The following SH3BP4 variants were observed in gnomAD, a reference collection of about 807,000 sequenced individuals.
SH3BP4 encodes SH3 domain-binding protein 4.
SH3BP4 carries 33 observed loss-of-function variants against 65.5 expected under a neutral mutation model. The ratio of observed to expected loss-of-function variants is 0.50; its 90% CI spans 0.38 to 0.67. SH3BP4 has a LOEUF of 0.67. Among genes scored for constraint, SH3BP4 ranks in the 30% least tolerant of loss-of-function variants. The pLI, the probability that SH3BP4 is intolerant of heterozygous loss-of-function variation, is 0.00. For synonymous variants in SH3BP4, 552 were observed against 545.5 expected (o/e 1.01, Z -0.17); for missense variants, 1,134 against 1,261.4 (o/e 0.90, Z 1.53).
chr2:235,049,277 G>A (rs1259449209), intron 4 of SH3BP4, among the ~76,000 whole-genome samples: 1 of 152,206 alleles, frequency 6.6e-6, no homozygotes, highest in Non-Finnish European at 1.5e-5. Flanking sequence ...CCTGTGCCCA[G>A]TTCCCCTGGG....
In SH3BP4 at chr2:235,052,929, G is replaced by A. The variant is rs927381002; in HGVS notation, c.2667+179G>A. Reference sequence around the variant, plus strand: ...CCTCACTGAGTGGGAGCCATCCTCCGGATTGGTTGTCGTGAGCCCTGGCTT... The same window carrying A: ...CCTCACTGAGTGGGAGCCATCCTCCAGATTGGTTGTCGTGAGCCCTGGCTT... On this transcript the variant is annotated intron_variant, in intron 5 of 5. Coordinates refer to ENST00000392011, the MANE Select transcript of SH3BP4 (RefSeq NM_014521.3). This position sits in a 1 kb window ranked among gnomAD's most constrained non-coding sequence, Gnocchi z 5.0. Among the ~76,000 whole-genome samples the A allele has an allele frequency of 7.7e-4, 118 of 152,372 alleles. 1 individual carries two copies. Among genetic ancestry groups the A allele is most frequent in the African/African-American group, 2.8e-3 (116 of 41,588 alleles).
chr2:235,003,721 G>C (rs1694204839), intron 2 of SH3BP4, among the ~76,000 whole-genome samples: 1 of 152,226 alleles, frequency 6.6e-6, no homozygotes, highest in Non-Finnish European at 1.5e-5. Flanking sequence ...TATGCAGGGA[G>C]ATGTGGCTCT....
chr2:235,032,993 C>T (rs1695254300), intron 2 of SH3BP4, among the ~76,000 whole-genome samples: 1 of 152,190 alleles, frequency 6.6e-6, no homozygotes, highest in Admixed American at 6.5e-5. Flanking sequence ...AATAACTGGC[C>T]TGGGTGAGTG....
At chr2:235,040,758 G>A in intron 3 of SH3BP4, 130 bp from the exon 4 acceptor site, 1 of 768,102 alleles carries the variant, frequency 1.3e-6, no homozygotes, top group South Asian at 1.8e-5. Flanking sequence ...ACTTTGGTTT[G>A]TTTCTGTTGG....
In SH3BP4 at chr2:235,041,870, C is replaced by T. The variant is rs142605350; in HGVS notation, c.1101C>T (p.Asn367=). Residue 367 remains asparagine, a synonymous_variant, in exon 4 of 6, where the codon AAC becomes AAT. Coordinates refer to ENST00000392011, the MANE Select transcript of SH3BP4 (RefSeq NM_014521.3). The surrounding 1 kb of genome is among the most constrained non-coding windows in gnomAD (Gnocchi z 6.0). ...TGCTGGACCCCCCGCTGGAGCTCAA[C>T]AGTGACAGGTCCTGCAGCATCAGCC... ...KALLDPPLEL[N]SDRSCSISPV... 22 of 1,611,156 alleles carry T rather than the reference C, an allele frequency of 1.4e-5. No individual in the cohort carries two copies. The highest frequency in any genetic ancestry group is 4.0e-5 in the African/African-American group (3 of 74,836).
In SH3BP4 at chr2:234,972,505, G is replaced by A. The variant is rs544074666; in HGVS notation, c.-207+20335G>A. On this transcript the variant is annotated intron_variant, in intron 1 of 5. Coordinates refer to ENST00000392011, the MANE Select transcript of SH3BP4 (RefSeq NM_014521.3). ...GGAGGGAAGCTGAGGCAGGAGGATC[G>A]CTTGAGCCCATCAGTCTGAGACCAG... Among the ~76,000 whole-genome samples, 16 of 151,930 alleles carry A rather than the reference G, an allele frequency of 1.1e-4. No individual in the cohort carries two copies. The East Asian group carries it at 2.5e-3, about 24-fold the overall frequency.
chr2:235,028,690 T>C (rs1695081407), intron 2 of SH3BP4, among the ~76,000 whole-genome samples: 1 of 152,036 alleles, frequency 6.6e-6, no homozygotes, highest in East Asian at 1.9e-4. Flanking sequence ...AGTCTGTGCA[T>C]GGTGTGTCTA....
In SH3BP4 at chr2:235,042,448, G is replaced by A. The variant is rs751725643; in HGVS notation, c.1679G>A (p.Arg560Gln). The A allele has an allele frequency of 1.9e-5, 31 of 1,613,998 alleles. No individual in the cohort carries two copies. In the East Asian group the frequency reaches 2.0e-4, roughly 10 times the overall value. Residue 560 changes from arginine (R) to glutamine (Q), a missense_variant, in exon 4 of 6, where the codon CGA becomes CAA. Coordinates refer to ENST00000392011, the MANE Select transcript of SH3BP4 (RefSeq NM_014521.3). This position sits in a 1 kb window ranked among gnomAD's most constrained non-coding sequence, Gnocchi z 7.3. ...GCCAGCGAGCAGGCCAAAGTGGTGC[G>A]AGGATTCCAGCTGAAGCTGGGCAAG... ...VKASEQAKVV[R>Q]GFQLKLGKVS...
Position 235,034,218 on chromosome 2 carries a change from A to G in SH3BP4, c.-132-653A>G, listed in dbSNP as rs766069874. On this transcript the variant is annotated intron_variant, in intron 2 of 5. Transcript: ENST00000392011. The surrounding 1 kb of genome is among the most constrained non-coding windows in gnomAD (Gnocchi z 6.2). ...TTCTTGTGGTCTCTTCCACGGAAAG[A>G]TCTTTCCTGCTTAGTAACAGTGGTT... Among the ~76,000 whole-genome samples the G allele has an allele frequency of 6.6e-6, 1 of 152,174 alleles. No individual in the cohort carries two copies. Among genetic ancestry groups the G allele is most frequent in the Non-Finnish European group, 1.5e-5 (1 of 68,026 alleles).
chr2:234,987,327 A>G (rs1346410899), intron 1 of SH3BP4, among the ~76,000 whole-genome samples: 1 of 103,518 alleles, frequency 9.7e-6, no homozygotes, highest in South Asian at 2.6e-4. Flanking sequence ...TATTTCAAAG[A>G]AAAAAAAAAA....
In SH3BP4 at chr2:234,952,305, G is replaced by A; in HGVS notation, c.-207+135G>A. 6.6e-6 allele frequency: 1 copy of A among 150,700 alleles called. No individual in the cohort carries two copies. Among genetic ancestry groups the A allele is most frequent in the South Asian group, 2.1e-4 (1 of 4,868 alleles). 9.3% of individuals were successfully genotyped at this position (150,700 alleles called of 1,614,324 possible). A position where few individuals can be genotyped will look rare whatever the true frequency, so the allele number is the denominator to read the frequency against. ...CGCGGGCGCCGATCGTGCCACCGCC[G>A]CCTGAGTTCGGGGCTGCGCGGGTGC... On this transcript the variant is annotated intron_variant, in intron 1 of 5. Coordinates refer to ENST00000392011, the MANE Select transcript of SH3BP4 (RefSeq NM_014521.3). The surrounding 1 kb of genome is among the most constrained non-coding windows in gnomAD (Gnocchi z 6.5).
intron 2 of SH3BP4, among the ~76,000 whole-genome samples, chr2:235,015,526 TG>T (rs1386088378): frequency 1.3e-5 from 2 of 152,224 alleles, no homozygotes; most frequent in Non-Finnish European, 2.9e-5. Flanking sequence ...TAGGCATGAC[TG>T]CAGGGCTCTG....
intron 1 of SH3BP4, among the ~76,000 whole-genome samples, chr2:234,973,115 C>G (rs1170151431): frequency 6.6e-6 from 1 of 152,182 alleles, no homozygotes; most frequent in Non-Finnish European, 1.5e-5. Flanking sequence ...CCCGACTTCC[C>G]TTAACTCCAT....
At position 235,007,005 on chromosome 2, in the gene SH3BP4, G is replaced by A. The variant is rs1357242165; in HGVS notation, c.-133+11629G>A. Among the ~76,000 whole-genome samples the A allele has an allele frequency of 9.9e-5, 15 of 152,270 alleles. No homozygotes were observed. In the East Asian group the frequency reaches 2.9e-3, roughly 29 times the overall value. ...GGATCTGCTTCAGAGACTTAAACGA[G>A]CTGACGGAACATTTAGCACAGGGCC... On this transcript the variant is annotated intron_variant, in intron 2 of 5. Coordinates refer to ENST00000392011, the MANE Select transcript of SH3BP4 (RefSeq NM_014521.3).
In SH3BP4 at chr2:235,030,571, A is replaced by G. The variant is rs1486344913; in HGVS notation, c.-132-4300A>G. 6.7e-6 allele frequency among the ~76,000 whole-genome samples: 1 copy of G among 148,368 alleles called. No homozygotes were observed. Among genetic ancestry groups the G allele is most frequent in the African/African-American group, 2.5e-5 (1 of 40,692 alleles). The stretch of plus-strand genomic sequence containing the variant: ...ATCCATCGGGGGAAGTGGGTGATCC[A>G]GGGGAGATTGAGAGGTTATCACCCA... On this transcript the variant is annotated intron_variant, in intron 2 of 5. Transcript: ENST00000392011. The surrounding 1 kb of genome is among the most constrained non-coding windows in gnomAD (Gnocchi z 4.1).
chr2:234,953,702 C>G (rs1559221379), intron 1 of SH3BP4, among the ~76,000 whole-genome samples: 1 of 152,184 alleles, frequency 6.6e-6, no homozygotes, highest in Non-Finnish European at 1.5e-5. Flanking sequence ...GGGGAACATT[C>G]TACTGTTCCT....
intron 2 of SH3BP4, among the ~76,000 whole-genome samples, chr2:235,019,229 G>T (rs1207514551): frequency 6.6e-6 from 1 of 152,096 alleles, no homozygotes; most frequent in African/African-American, 2.4e-5. Flanking sequence ...TGGAACCAGG[G>T]AGCCCAGGAG....
rs1693715778 is a variant in SH3BP4, at chr2:234,990,521, T to A, written c.-206-4782T>A. ...TTGGAACAAAATTAGTTTTGTGTGT[T>A]CCTGCATATTCCCTGGGAACTCATG... On this transcript the variant is annotated intron_variant, in intron 1 of 5. Coordinates refer to ENST00000392011, the MANE Select transcript of SH3BP4 (RefSeq NM_014521.3). 2.0e-5 allele frequency among the ~76,000 whole-genome samples: 3 copies of A among 152,258 alleles called. No individual in the cohort carries two copies. In the South Asian group the frequency reaches 6.2e-4, roughly 32 times the overall value.
intron 1 of SH3BP4, among the ~76,000 whole-genome samples, chr2:234,971,366 A>G (rs1692995799): frequency 6.6e-6 from 1 of 152,166 alleles, no homozygotes; most frequent in Non-Finnish European, 1.5e-5. Context: ...TTATATGTAT[A>G]TGTTATATTT....
Sources: allele counts gnomAD v4.1 joint callset (sites outside exome capture counted in the v4.1 genomes callset), GRCh38; gene constraint gnomAD v4.1.1; non-coding constraint Gnocchi (gnomAD v3.1); transcripts MANE v1.5; gene names NCBI Gene and HGNC (gene_info 2026-07-23, HGNC 2026-07-21).